Variants in KLHL29 observed in about 807,000 individuals in gnomAD.
The protein encoded by KLHL29 is kelch like family member 29.
Under a neutral mutation model 80.4 loss-of-function variants are expected in KLHL29, and 21 were observed. That is an observed-to-expected ratio of 0.26 (90% confidence interval 0.19 to 0.38). The LOEUF is 0.38. Among genes scored for constraint, KLHL29 ranks in the 10% least tolerant of loss-of-function variants. KLHL29 has a pLI of 1.00. For synonymous variants in KLHL29, 511 were observed against 526.8 expected (o/e 0.97, Z 0.41); for missense variants, 867 against 1,223.9 (o/e 0.71, Z 4.35).
chr2:23,639,801 G>A (rs755440335), intron 4 of KLHL29, among the ~76,000 whole-genome samples: 4 of 152,134 alleles, frequency 2.6e-5, no homozygotes, highest in South Asian at 2.1e-4. Context: ...AGAACACCTC[G>A]ATTTGGCCCT....
At chr2:23,534,878 A>G (rs904771097) in intron 2 of KLHL29, among the ~76,000 whole-genome samples, 1 of 152,224 alleles carries the variant, frequency 6.6e-6, no homozygotes, top group Non-Finnish European at 1.5e-5. Flanking sequence ...AACCCCCTGC[A>G]GGCTTTTTGG....
At chr2:23,442,051 G>A (rs2103415511) in intron 1 of KLHL29, among the ~76,000 whole-genome samples, 1 of 152,224 alleles carries the variant, frequency 6.6e-6, no homozygotes, top group Middle Eastern at 3.4e-3. Flanking sequence ...AGGTGGAGAA[G>A]CTATCTTGGG....
intron 5 of KLHL29, among the ~76,000 whole-genome samples, chr2:23,650,508 G>A (rs1670061460): frequency 6.6e-6 from 1 of 152,192 alleles, no homozygotes; most frequent in East Asian, 1.9e-4. Context: ...CTTAGCTGAC[G>A]TCTTAGCCTC....
At chr2:23,416,773 G>A (rs1666989896) in intron 1 of KLHL29, among the ~76,000 whole-genome samples, 1 of 152,098 alleles carries the variant, frequency 6.6e-6, no homozygotes, top group Admixed American at 6.5e-5. Context: ...CCCCTCCTGG[G>A]GCTCCATCTT....
intron 5 of KLHL29, among the ~76,000 whole-genome samples, chr2:23,675,913 C>T (rs187956285): frequency 3.3e-5 from 5 of 152,248 alleles, no homozygotes; most frequent in East Asian, 1.9e-4. Context: ...CCCCCTAGCA[C>T]GCATCTGCAT....
At chr2:23,454,245 G>A (rs1247028016) in intron 1 of KLHL29, among the ~76,000 whole-genome samples, 2 of 131,756 alleles carry the variant, frequency 1.5e-5, no homozygotes, top group African/African-American at 5.7e-5. Context: ...CCGGCCCCTT[G>A]AGATCTGGAC....
chr2:23,404,263 T>C (rs1666671522), intron 1 of KLHL29, among the ~76,000 whole-genome samples: 1 of 96,246 alleles, frequency 1.0e-5, no homozygotes, highest in Non-Finnish European at 2.5e-5. Context: ...TTCTGGGCGA[T>C]GACTATTAAA....
intron 3 of KLHL29, among the ~76,000 whole-genome samples, chr2:23,634,749 C>T (rs13384934): frequency 0.028 from 4,305 of 152,258 alleles, 211 homozygotes; most frequent in African/African-American, 0.098. Context: ...CCAGCACACC[C>T]GGCCCCCATG....
chr2:23,691,910 G>A lies in KLHL29; in HGVS notation c.1282+34G>A, dbSNP rs2551352. ...GGGGGCCACATATGTCGCTTGGGGG[G>A]AAGAGTGCAGATGGGCGGAGAACTC... On this transcript the variant is annotated intron_variant, in intron 7 of 13. Transcript: ENST00000486442. The A allele has an allele frequency of 9.1e-6, 14 of 1,537,188 alleles. No homozygotes were observed. In the South Asian group the frequency reaches 1.3e-4, roughly 14 times the overall value.
intron 3 of KLHL29, among the ~76,000 whole-genome samples, chr2:23,637,430 A>T (rs1669645305): frequency 6.6e-6 from 1 of 152,208 alleles, no homozygotes; most frequent in Non-Finnish European, 1.5e-5. Flanking sequence ...ACAGATAGAA[A>T]TGGGGCAGGC....
chr2:23,489,777 C>G (rs1374805126), intron 2 of KLHL29, among the ~76,000 whole-genome samples: 1 of 151,762 alleles, frequency 6.6e-6, no homozygotes, highest in Non-Finnish European at 1.5e-5. Context: ...CACAGTGAAA[C>G]TTGCATGCGT....
intron 1 of KLHL29, among the ~76,000 whole-genome samples, chr2:23,407,842 A>G (rs981643804): frequency 7.2e-5 from 11 of 152,248 alleles, no homozygotes; most frequent in Non-Finnish European, 1.0e-4. Flanking sequence ...CGTTTAGTGA[A>G]TGATCTTTCT....
chr2:23,433,442 C>T (rs368204377), intron 1 of KLHL29, among the ~76,000 whole-genome samples: 12 of 152,260 alleles, frequency 7.9e-5, no homozygotes, highest in African/African-American at 1.9e-4. Flanking sequence ...GGAGTGGCCG[C>T]GGAGGCCACT....
rs1447028008 is a variant in KLHL29, at chr2:23,621,603, A to AC, written c.286-17530dup. ...TCAAGCCCTGGTGCTAATGGGACAG[A>AC]CCCCCCAGACAGGAAATGCAGACTG... On this transcript the variant is annotated intron_variant, in intron 3 of 13. Coordinates refer to ENST00000486442, the MANE Select transcript of KLHL29 (RefSeq NM_052920.2). 2.6e-5 allele frequency among the ~76,000 whole-genome samples: 4 copies of AC among 151,976 alleles called. No homozygotes were observed. In the South Asian group the frequency reaches 6.3e-4, roughly 24 times the overall value.
intron 2 of KLHL29, among the ~76,000 whole-genome samples, chr2:23,500,444 G>T (rs1172423266): frequency 6.6e-6 from 1 of 152,136 alleles, no homozygotes; most frequent in Non-Finnish European, 1.5e-5. Context: ...CATTTTATTA[G>T]ATCCTAGTTT....
chr2:23,403,726 AGTGTGT>A (rs36116395), intron 1 of KLHL29, among the ~76,000 whole-genome samples: 2,687 of 144,088 alleles, frequency 0.019, 45 homozygotes, highest in African/African-American at 0.04. Flanking sequence ...AGAGAGAGAG[AGTGTGT>A]GTGTGTGTGT....
At chr2:23,585,717 G>A (rs1384679010) in intron 3 of KLHL29, among the ~76,000 whole-genome samples, 1 of 152,076 alleles carries the variant, frequency 6.6e-6, no homozygotes, top group Non-Finnish European at 1.5e-5. Context: ...CCAAGGGGAG[G>A]GGACCCATAT....
intron 5 of KLHL29, chr2:23,643,182 TG>T: frequency 2.1e-6 from 1 of 483,326 alleles, no homozygotes. Context: ...CAGGCCAAGC[TG>T]CAAAAGGGTG....
chr2:23,679,051 T>TAA (rs56061720), intron 5 of KLHL29, among the ~76,000 whole-genome samples: 27 of 141,804 alleles, frequency 1.9e-4, no homozygotes, highest in Non-Finnish European at 2.6e-4. Flanking sequence ...TTACCACAAC[T>TAA]AAAAAAAAAA....
Sources: gnomAD v4.1 joint callset for allele counts (sites outside exome capture counted in the v4.1 genomes callset) on GRCh38, gnomAD v4.1.1 for gene constraint, MANE v1.5 for transcripts, NCBI Gene and HGNC (gene_info 2026-07-23, HGNC 2026-07-21) for gene names.